Variants in UNC80 observed in about 807,000 individuals in gnomAD.
UNC80 encodes the protein protein unc-80 homolog.
Under a neutral mutation model 384.6 loss-of-function variants are expected in UNC80, and 164 were observed. The observed-to-expected ratio is 0.43, with a 90% CI of 0.38 to 0.49. The LOEUF (loss-of-function observed/expected upper bound fraction) is 0.49. Among genes scored for constraint, UNC80 ranks in the 20% least tolerant of loss-of-function variants. The pLI is 0.00. For synonymous variants in UNC80, 1,486 were observed against 1,527.8 expected, an observed-to-expected ratio of 0.97 and a Z score of 0.64; for missense variants, 3,330 against 4,143.0, an observed-to-expected ratio of 0.80 and a Z score of 5.39.
intron 22 of UNC80, among the ~76,000 whole-genome samples, chr2:209,858,523 CAT>C (rs1335810602): frequency 1.3e-5 from 2 of 152,012 alleles, no homozygotes; most frequent in African/African-American, 4.8e-5. Flanking sequence ...GCCTGGCCAA[CAT>C]AGCGAAACCC....
At chr2:209,809,883 C>G (rs1574539397) in intron 7 of UNC80, among the ~76,000 whole-genome samples, 1 of 152,146 alleles carries the variant, frequency 6.6e-6, no homozygotes, top group Non-Finnish European at 1.5e-5. Flanking sequence ...ACTGGCTTTT[C>G]TGCATGTGTT....
intron 42 of UNC80, 116 bp downstream of exon 42, chr2:209,937,746 A>G: frequency 8.1e-6 from 6 of 738,750 alleles, no homozygotes; most frequent in Non-Finnish European, 6.9e-6. Flanking sequence ...CTCTGGAGAC[A>G]GTAGTTGGCC....
intron 28 of UNC80, among the ~76,000 whole-genome samples, chr2:209,899,668 A>C (rs2087175879): frequency 6.6e-6 from 1 of 152,088 alleles, no homozygotes; most frequent in African/African-American, 2.4e-5. Flanking sequence ...ACCTTTTAAT[A>C]TGAAGATGTC....
rs2092310231 is a variant in UNC80 at position 209,954,079 on chromosome 2, TTTTC to T, written c.7287-15_7287-12del. 1 of 1,539,088 alleles carries T rather than the reference TTTTC, an allele frequency of 6.5e-7. No individual in the cohort carries two copies. Among genetic ancestry groups the T allele is most frequent in the African/African-American group, 1.4e-5 (1 of 72,398 alleles). On this transcript the variant is annotated splice_polypyrimidine_tract_variant and intron_variant, in intron 47 of 64. Coordinates refer to ENST00000673920, the MANE Select transcript of UNC80 (RefSeq NM_001371986.1). ...AAGTAGAATGTAAAAGGTGACTCGG[TTTTC>T]TTTCTGTCGCTTAAAGTCTTCAGAT...
intron 16 of UNC80, 94 bp downstream of exon 16, chr2:209,831,685 C>A: frequency 1.5e-6 from 2 of 1,304,472 alleles, no homozygotes; most frequent in South Asian, 2.0e-5. Flanking sequence ...AAGCTGAAAT[C>A]TAAAAGTCTA....
intron 25 of UNC80, among the ~76,000 whole-genome samples, chr2:209,881,775 A>G (rs2085314335): frequency 6.6e-6 from 1 of 152,116 alleles, no homozygotes; most frequent in East Asian, 1.9e-4. Flanking sequence ...CACGGGGCAC[A>G]CCTTGGAGTC....
chr2:209,793,365 C>T (rs1391496627), intron 6 of UNC80, among the ~76,000 whole-genome samples: 1 of 152,116 alleles, frequency 6.6e-6, no homozygotes, highest in Non-Finnish European at 1.5e-5. Context: ...TCTATTTTAG[C>T]CTCATGCTTC....
At position 209,814,903 on chromosome 2, in the gene UNC80, A is replaced by G. The variant is rs78743719; in HGVS notation, c.1201-354A>G. On this transcript the variant is annotated intron_variant, in intron 8 of 64. Transcript: ENST00000673920. ...GAAATATAATCTGTTTTAGTAGTAG[A>G]TATTCTGCCTAAGTGGATATCTGCT... is the stretch of plus-strand genomic sequence containing the variant. Among the ~76,000 whole-genome samples the G allele has an allele frequency of 9.3e-3, 1,414 of 152,240 alleles. 3 individuals carry two copies. Among genetic ancestry groups the G allele is most frequent in the Non-Finnish European group, 0.015 (1,037 of 68,016 alleles).
chr2:209,929,438 A>G (rs1403221997), intron 36 of UNC80, among the ~76,000 whole-genome samples: 1 of 152,214 alleles, frequency 6.6e-6, no homozygotes, highest in Non-Finnish European at 1.5e-5. Flanking sequence ...ACTCATGTGG[A>G]CAGAAAAAAA....
In UNC80 at chr2:209,904,845, C is replaced by T. The variant is rs1317322885; in HGVS notation, c.4662C>T (p.His1554=). Residue 1554 remains histidine, a synonymous_variant, in exon 29 of 65, where the codon CAC becomes CAT. Coordinates refer to ENST00000673920, the MANE Select transcript of UNC80 (RefSeq NM_001371986.1). ...DYCHPHCYLH[H]SRSCARLVRA... ...GCCATCCCCACTGCTACCTGCACCA[C>T]AGCCGCTCCTGTGCCCGACTGGTCA... is the stretch of plus-strand genomic sequence containing the variant. 1.9e-6 allele frequency: 3 copies of T among 1,551,868 alleles called. No individual in the cohort carries two copies. The highest frequency in any genetic ancestry group is 2.7e-5 in the African/African-American group (2 of 73,046).
At chr2:209,910,649 C>CTTTT (rs540625562) in intron 29 of UNC80, among the ~76,000 whole-genome samples, 25 of 104,270 alleles carry the variant, frequency 2.4e-4, no homozygotes, top group East Asian at 8.2e-4. Flanking sequence ...AAATGCTCAT[C>CTTTT]TTTTTTTTTT....
Position 209,912,507 on chromosome 2 carries a change from T to C in UNC80, c.4783-53T>C, listed in dbSNP as rs1253910601. On this transcript the variant is annotated intron_variant, in intron 29 of 64. Transcript: ENST00000673920. ...AGAATTGCGGGGACATATAGCACTG[T>C]TGGGTTTTTAGAAAACACATCACTC... 7 of 1,304,500 alleles carry C rather than the reference T, an allele frequency of 5.4e-6. No individual in the cohort carries two copies. The Middle Eastern group carries it at 9.2e-4, about 172-fold the overall frequency. 80.8% of individuals were successfully genotyped at this position (1,304,500 alleles called of 1,614,324 possible).
chr2:209,816,408 A>C (rs1463256577), intron 9 of UNC80, among the ~76,000 whole-genome samples: 3 of 152,206 alleles, frequency 2.0e-5, no homozygotes, highest in Non-Finnish European at 4.4e-5. Context: ...ACAGTGGCGC[A>C]CATTTAAAGT....
At chr2:209,952,471 C>T (rs1241955655) in intron 47 of UNC80, among the ~76,000 whole-genome samples, 7 of 152,146 alleles carry the variant, frequency 4.6e-5, no homozygotes, top group African/African-American at 1.7e-4. Flanking sequence ...CTTTGGAAGT[C>T]CCTGAACTCC....
At chr2:209,947,728 T>A (rs1002026182) in intron 47 of UNC80, among the ~76,000 whole-genome samples, 37 of 151,904 alleles carry the variant, frequency 2.4e-4, no homozygotes, top group African/African-American at 3.2e-4. Context: ...TAATTTTTTT[T>A]AAAAGTATTT....
chr2:209,896,503 TC>T, intron 28 of UNC80, 90 bp downstream of exon 28: 1 of 1,067,904 alleles, frequency 9.4e-7, no homozygotes, highest in East Asian at 2.6e-5. Flanking sequence ...TTATACTAAA[TC>T]ATCAATCCGA....
intron 7 of UNC80, among the ~76,000 whole-genome samples, chr2:209,811,544 A>T (rs1419837684): frequency 6.6e-6 from 1 of 152,154 alleles, no homozygotes; most frequent in East Asian, 1.9e-4. Flanking sequence ...AGACTTTATG[A>T]TAGATTAAAA....
chr2:209,907,939 C>A (rs1480857095), intron 29 of UNC80, among the ~76,000 whole-genome samples: 2 of 152,180 alleles, frequency 1.3e-5, no homozygotes, highest in African/African-American at 4.8e-5. Flanking sequence ...GCTTACATTT[C>A]TGAAAAGGAA....
intron 6 of UNC80, among the ~76,000 whole-genome samples, chr2:209,791,037 T>G (rs2077763087): frequency 6.6e-6 from 1 of 152,208 alleles, no homozygotes; most frequent in African/African-American, 2.4e-5. Flanking sequence ...CCTCTCGATT[T>G]GATTTCCTGC....
Sources: allele counts gnomAD v4.1 joint callset (sites outside exome capture counted in the v4.1 genomes callset), GRCh38; gene constraint gnomAD v4.1.1; transcripts MANE v1.5; gene names NCBI Gene and HGNC (gene_info 2026-07-23, HGNC 2026-07-21).